RIMS2: variants seen among roughly 807,000 people sequenced by gnomAD.
RIMS2 encodes regulating synaptic membrane exocytosis 2.
RIMS2 carries 59 observed loss-of-function variants against 174.4 expected under a neutral mutation model. The observed-to-expected ratio is 0.34, with a 90% confidence interval of 0.27 to 0.42. The LOEUF (loss-of-function observed/expected upper bound fraction) is 0.42, where lower values mean the gene tolerates loss of function less well. Ranked by LOEUF, RIMS2 falls within the 10% of genes least tolerant of loss-of-function variation. The pLI is 1.00. For synonymous variants in RIMS2, 606 were observed against 572.5 expected (o/e 1.06, Z -0.84); for missense variants, 1,620 against 1,666.3 (o/e 0.97, Z 0.48).
chr8:104,245,752 G>GATAACCTATGTTATCTAAT (rs1212130712), intron 20 of RIMS2, among the ~76,000 whole-genome samples: 2 of 152,212 alleles, frequency 1.3e-5, no homozygotes, highest in African/African-American at 2.4e-5. Flanking sequence ...GTAAGTATTA[G>GATAACCTATGTTATCTAAT]ATGTTTAGAT....
intron 2 of RIMS2, among the ~76,000 whole-genome samples, chr8:103,730,960 C>G (rs954385567): frequency 6.6e-6 from 1 of 152,178 alleles, no homozygotes; most frequent in East Asian, 1.9e-4. Context: ...GCCTCACAGT[C>G]ATGGCAGAAG....
chr8:103,971,314 TCTC>T lies in RIMS2; in HGVS notation c.2771-4033_2771-4031del, dbSNP rs149808262. Among the ~76,000 whole-genome samples, 1,488 of 152,238 alleles carry T rather than the reference TCTC, an allele frequency of 9.8e-3. 17 individuals carry two copies. The highest frequency in any genetic ancestry group is 0.045 in the South Asian group (218 of 4,816). ...CATAATTTGAGTTCTTGAATTAACT[TCTC>T]CTTTTCTCAGTGGTATCTCTTAAAC... On this transcript the variant is annotated intron_variant, in intron 15 of 23. Coordinates refer to ENST00000504942, the Ensembl canonical transcript of RIMS2.
At chr8:104,172,699 A>G (rs928799232) in intron 19 of RIMS2, among the ~76,000 whole-genome samples, 16 of 152,308 alleles carry the variant, frequency 1.1e-4, no homozygotes, top group South Asian at 8.3e-4. Flanking sequence ...TCAAACATTT[A>G]TACCTCAAAA....
exon 1 of RIMS2, chr8:103,500,844 A>C: frequency 7.1e-7 from 1 of 1,404,772 alleles, no homozygotes; most frequent in South Asian, 1.4e-5. Flanking sequence ...CTGCCAGTGG[A>C]GTTGCCTCCC....
chr8:103,574,503 A>C (rs536309914), intron 1 of RIMS2, among the ~76,000 whole-genome samples: 25 of 152,218 alleles, frequency 1.6e-4, no homozygotes, highest in African/African-American at 6.0e-4. Flanking sequence ...TCGTCTGTTT[A>C]TTTCTTCACT....
At chr8:103,610,206 G>A (rs536588097) in intron 1 of RIMS2, among the ~76,000 whole-genome samples, 4 of 152,258 alleles carry the variant, frequency 2.6e-5, no homozygotes, top group Non-Finnish European at 5.9e-5. Flanking sequence ...TGCTGAAGTT[G>A]TTTATCAGAC....
intron 3 of RIMS2, among the ~76,000 whole-genome samples, chr8:103,855,616 C>T (rs958536396): frequency 6.6e-6 from 1 of 151,942 alleles, no homozygotes; most frequent in African/African-American, 2.4e-5. Flanking sequence ...CAGTGTTTAC[C>T]TATGAGTTAT....
chr8:103,644,190 C>G (rs887997513), intron 1 of RIMS2, among the ~76,000 whole-genome samples: 2 of 152,026 alleles, frequency 1.3e-5, no homozygotes, highest in Non-Finnish European at 2.9e-5. Context: ...CCCTGAGCCT[C>G]TGGCAATTAA....
intron 16 of RIMS2, chr8:103,976,419 C>A (rs2093425526): frequency 6.6e-6 from 1 of 151,684 alleles, no homozygotes; most frequent in Non-Finnish European, 1.5e-5. Context: ...GTAGAACCAA[C>A]TAATTATACT....
chr8:103,801,121 A>T (rs1211851785), intron 3 of RIMS2, among the ~76,000 whole-genome samples: 7 of 152,088 alleles, frequency 4.6e-5, no homozygotes, highest in Non-Finnish European at 7.4e-5. Context: ...AGTAGCTGGG[A>T]CTACAGGTGC....
intron 19 of RIMS2, among the ~76,000 whole-genome samples, chr8:104,036,668 G>A (rs1003909912): frequency 5.9e-5 from 9 of 151,772 alleles, no homozygotes; most frequent in African/African-American, 1.9e-4. Flanking sequence ...CATGAGGTCA[G>A]GAGTTCGAGA....
intron 10 of RIMS2, among the ~76,000 whole-genome samples, chr8:103,923,092 C>A (rs1392471129): frequency 6.6e-6 from 1 of 151,776 alleles, no homozygotes; most frequent in East Asian, 1.9e-4. Context: ...TCTACTTATT[C>A]TTACATATAT....
At chr8:103,999,372 A>G (rs1464520580) in intron 17 of RIMS2, among the ~76,000 whole-genome samples, 3 of 151,648 alleles carry the variant, frequency 2.0e-5, no homozygotes, top group Non-Finnish European at 4.4e-5. Context: ...CTTCCAGTTT[A>G]TTATATGATA....
chr8:103,941,620 C>T lies in RIMS2; in HGVS notation c.2548-1153C>T, dbSNP rs371060538. ...ACAAACACTGTCACTTGCACAACCT[C>T]CTAAAAAAAATAGACATTCATTTCT... is the stretch of plus-strand genomic sequence containing the variant. On this transcript the variant is annotated intron_variant, in intron 13 of 23. Coordinates refer to ENST00000504942, the Ensembl canonical transcript of RIMS2. 2.2e-4 allele frequency among the ~76,000 whole-genome samples: 33 copies of T among 152,078 alleles called. No individual in the cohort carries two copies. In the South Asian group the frequency reaches 6.9e-3, roughly 32 times the overall value.
intron 1 of RIMS2, among the ~76,000 whole-genome samples, chr8:103,545,871 C>T: frequency 6.6e-6 from 1 of 152,178 alleles, no homozygotes; most frequent in East Asian, 1.9e-4. Context: ...TACCTACCTA[C>T]CTCTCTGATC....
Position 103,829,637 on chromosome 8 carries a change from A to T in RIMS2, c.699-55661A>T, listed in dbSNP as rs1192194571. 2.1e-4 allele frequency among the ~76,000 whole-genome samples: 32 copies of T among 152,170 alleles called. 1 individual carries two copies. ...AACCAAATACTGCATGTTCTCACTTACAAGTGGGAGCTAAGCTTGAATACA... is the reference window on the plus strand; with the variant it reads ...AACCAAATACTGCATGTTCTCACTTTCAAGTGGGAGCTAAGCTTGAATACA... On this transcript the variant is annotated intron_variant, in intron 3 of 23. Coordinates refer to ENST00000504942, the Ensembl canonical transcript of RIMS2.
chr8:103,736,875 G>A (rs1015955636), intron 2 of RIMS2, among the ~76,000 whole-genome samples: 2 of 152,090 alleles, frequency 1.3e-5, no homozygotes, highest in East Asian at 1.9e-4. Flanking sequence ...AGACCTTTGT[G>A]AGCAGGAATG....
chr8:104,159,815 T>C (rs1220883429), intron 19 of RIMS2, among the ~76,000 whole-genome samples: 1 of 152,154 alleles, frequency 6.6e-6, no homozygotes, highest in Non-Finnish European at 1.5e-5. Flanking sequence ...TTTTTTAAAA[T>C]AGAAAACTAG....
At chr8:104,147,407 T>C (rs953803103) in intron 19 of RIMS2, among the ~76,000 whole-genome samples, 1 of 151,330 alleles carries the variant, frequency 6.6e-6, no homozygotes, top group Admixed American at 6.6e-5. Flanking sequence ...GAGAAGATAT[T>C]ACATAGGTTA....
Sources: gnomAD v4.1 joint callset for allele counts (sites outside exome capture counted in the v4.1 genomes callset) on GRCh38, gnomAD v4.1.1 for gene constraint, MANE v1.5 for transcripts, NCBI Gene and HGNC (gene_info 2026-07-23, HGNC 2026-07-21) for gene names.